VTA1: variants seen among roughly 807,000 people sequenced by gnomAD.
VTA1 encodes vesicle trafficking 1.
A neutral mutation model predicts 36.9 loss-of-function variants in VTA1; 24 were observed. The observed-to-expected ratio is 0.65, with a 90% CI of 0.47 to 0.91. The LOEUF (loss-of-function observed/expected upper bound fraction) is 0.91, where lower values mean the gene tolerates loss of function less well. VTA1 is among the 40% of genes least tolerant of loss of function. The pLI is 0.00. For synonymous variants in VTA1, 142 were observed against 130.2 expected (o/e 1.09, Z -0.62); for missense variants, 393 against 377.2 (o/e 1.04, Z -0.35).
At chr6:142,178,080 A>C (rs1775158673) in intron 4 of VTA1, among the ~76,000 whole-genome samples, 1 of 152,180 alleles carries the variant, frequency 6.6e-6, no homozygotes. Context: ...CAGATTCAAG[A>C]AGCACAGTGG....
chr6:142,211,818 A>G (rs999054214), intron 7 of VTA1, among the ~76,000 whole-genome samples: 2 of 152,248 alleles, frequency 1.3e-5, no homozygotes, highest in African/African-American at 4.8e-5. Flanking sequence ...GAACTCCTAA[A>G]GAACAATAAC....
intron 1 of VTA1, 39 bp downstream of exon 1, chr6:142,147,438 T>C (rs1379664378): frequency 1.3e-6 from 2 of 1,591,096 alleles, no homozygotes; most frequent in Admixed American, 3.5e-5. Flanking sequence ...TCTTTCCCAG[T>C]TGCATTTTAG....
At chr6:142,202,619 A>G (rs919124037) in intron 6 of VTA1, among the ~76,000 whole-genome samples, 1 of 152,004 alleles carries the variant, frequency 6.6e-6, no homozygotes, top group Non-Finnish European at 1.5e-5. Context: ...ACACACACGC[A>G]AGTATGCCTT....
chr6:142,187,328 A>G (rs1775359206), intron 4 of VTA1, among the ~76,000 whole-genome samples: 1 of 152,172 alleles, frequency 6.6e-6, no homozygotes, highest in African/African-American at 2.4e-5. Context: ...GGCTTTTAAT[A>G]TATTTACAGA....
At chr6:142,210,379 G>T (rs922965904) in intron 7 of VTA1, among the ~76,000 whole-genome samples, 1 of 152,058 alleles carries the variant, frequency 6.6e-6, no homozygotes, top group Non-Finnish European at 1.5e-5. Flanking sequence ...AGATTTTTTT[G>T]TGTGTAAGAC....
chr6:142,167,717 G>A (rs1300471009), intron 2 of VTA1, among the ~76,000 whole-genome samples: 4 of 152,126 alleles, frequency 2.6e-5, no homozygotes, highest in African/African-American at 9.7e-5. Context: ...CCCAAAATCA[G>A]CCTCATGGCA....
intron 5 of VTA1, among the ~76,000 whole-genome samples, chr6:142,193,835 CAG>C (rs1775497103): frequency 6.6e-6 from 1 of 151,970 alleles, no homozygotes; most frequent in Non-Finnish European, 1.5e-5. Flanking sequence ...TGTCCTACCT[CAG>C]GGGTATATCA....
rs1226643681 is a variant in VTA1, at chr6:142,222,788, A to G, written c.*4145A>G. The G allele has an allele frequency of 6.6e-6, 1 of 152,234 alleles. No homozygotes were observed. The allele number at this position is 152,234 out of a possible 1,614,324, so 9.4% of individuals were successfully genotyped here. On this transcript the variant is annotated 3_prime_UTR_variant, in exon 8 of 8. Transcript: ENST00000367630. ...CAAATTCTAAGTAAGCAACACTTCA[A>G]TAATAATCATAATAGCTAACATTTC...
intron 5 of VTA1, among the ~76,000 whole-genome samples, chr6:142,191,565 A>T (rs1775456989): frequency 6.6e-6 from 1 of 152,068 alleles, no homozygotes; most frequent in South Asian, 2.1e-4. Flanking sequence ...GGAAGTTGTC[A>T]TTTCTGTTAT....
intron 1 of VTA1, among the ~76,000 whole-genome samples, chr6:142,153,613 TTTTG>T (rs1354493464): frequency 1.3e-5 from 2 of 152,094 alleles, no homozygotes; most frequent in Admixed American, 1.3e-4. Flanking sequence ...TTGGTTGGTC[TTTTG>T]TTTTCTTTTT....
chr6:142,209,327 C>G (rs1461870473), intron 7 of VTA1, among the ~76,000 whole-genome samples: 1 of 151,782 alleles, frequency 6.6e-6, no homozygotes, highest in Non-Finnish European at 1.5e-5. Flanking sequence ...GGGAACCGAT[C>G]TAACTAAAGA....
intron 4 of VTA1, among the ~76,000 whole-genome samples, chr6:142,181,094 A>ATATATTTTT (rs1554219841): frequency 2.7e-5 from 1 of 36,424 alleles, no homozygotes; most frequent in Non-Finnish European, 5.8e-5. Flanking sequence ...AAAAAAAAAA[A>ATATATTTTT]ATATATATAT....
Position 142,218,835 on chromosome 6 carries a change from T to A in VTA1, c.*192T>A, listed in dbSNP as rs1776051114. ...CAACCAGTTTTCATTGTCCATTTACTAGATTCAATCGTCTCTGAGTATATA... is the reference window on the plus strand; with the variant it reads ...CAACCAGTTTTCATTGTCCATTTACAAGATTCAATCGTCTCTGAGTATATA... On this transcript the variant is annotated 3_prime_UTR_variant, in exon 8 of 8. Transcript: ENST00000367630. 3.4e-6 allele frequency: 2 copies of A among 583,022 alleles called. No homozygotes were observed. Among genetic ancestry groups the A allele is most frequent in the Non-Finnish European group, 5.6e-6 (2 of 359,926 alleles). The allele number at this position is 583,022 out of a possible 1,614,324, so 36.1% of individuals were successfully genotyped here.
Position 142,185,407 on chromosome 6 carries a change from C to T in VTA1, c.412-4019C>T, listed in dbSNP as rs73574218. On this transcript the variant is annotated intron_variant, in intron 4 of 7. Coordinates refer to ENST00000367630, the MANE Select transcript of VTA1 (RefSeq NM_016485.5). ...ACTATACATACCTTATGTTTTTCCCCAAAGAGGGAAAGTTTAAAAATTTAG... is the reference window on the plus strand; with the variant it reads ...ACTATACATACCTTATGTTTTTCCCTAAAGAGGGAAAGTTTAAAAATTTAG... Among the ~76,000 whole-genome samples the T allele has an allele frequency of 9.6e-3, 1,466 of 152,172 alleles. 28 individuals are homozygous for T. Among genetic ancestry groups the T allele is most frequent in the African/African-American group, 0.033 (1,386 of 41,536 alleles).
chr6:142,221,077 C>T lies in VTA1; in HGVS notation c.*2434C>T, dbSNP rs1039006601. 2.0e-5 allele frequency: 3 copies of T among 152,066 alleles called. No homozygotes were observed. Among genetic ancestry groups the T allele is most frequent in the Non-Finnish European group, 2.9e-5 (2 of 68,026 alleles). 9.4% of individuals were successfully genotyped at this position (152,066 alleles called of 1,614,324 possible). On this transcript the variant is annotated 3_prime_UTR_variant, in exon 8 of 8. Coordinates refer to ENST00000367630, the MANE Select transcript of VTA1 (RefSeq NM_016485.5). ...GACACTTAAGGTGGTCCCTAAAGTTCGAGTGGTTTAGCTCTACCCAAATCA... is the reference window on the plus strand; with the variant it reads ...GACACTTAAGGTGGTCCCTAAAGTTTGAGTGGTTTAGCTCTACCCAAATCA...
At chr6:142,180,077 G>C (rs1283489214) in intron 4 of VTA1, among the ~76,000 whole-genome samples, 1 of 152,184 alleles carries the variant, frequency 6.6e-6, no homozygotes. Context: ...TTGTGTATCT[G>C]TATACTCTGC....
chr6:142,189,759 CT>C (rs1331061039), intron 5 of VTA1, among the ~76,000 whole-genome samples: 268 of 143,596 alleles, frequency 1.9e-3, no homozygotes, highest in Middle Eastern at 7.1e-3. Context: ...CTGTCTCCTG[CT>C]TTTTTTTTTT....
chr6:142,184,568 G>T (rs1271175644), intron 4 of VTA1, among the ~76,000 whole-genome samples: 2 of 152,162 alleles, frequency 1.3e-5, no homozygotes, highest in East Asian at 1.9e-4. Context: ...GGAAATGAGG[G>T]TGCTTCATAG....
rs191992902 is a variant in VTA1 at position 142,221,693 on chromosome 6, C to A, written c.*3050C>A. The A allele has an allele frequency of 6.6e-6, 1 of 151,532 alleles. No homozygotes were observed. Among genetic ancestry groups the A allele is most frequent in the South Asian group, 2.1e-4 (1 of 4,790 alleles). 9.4% of individuals were successfully genotyped at this position (151,532 alleles called of 1,614,324 possible). ...AATAGGCCGGGGGCGGTGGTTCGCA[C>A]CTGCAATCCCAGCACTTTGGGAGCC... On this transcript the variant is annotated 3_prime_UTR_variant, in exon 8 of 8. Coordinates refer to ENST00000367630, the MANE Select transcript of VTA1 (RefSeq NM_016485.5).
Sources: gnomAD v4.1 joint callset for allele counts (sites outside exome capture counted in the v4.1 genomes callset) on GRCh38, gnomAD v4.1.1 for gene constraint, MANE v1.5 for transcripts, NCBI Gene and HGNC (gene_info 2026-07-23, HGNC 2026-07-21) for gene names.